The following MSRA variants were observed in gnomAD, a reference collection of about 807,000 sequenced individuals.
The protein encoded by MSRA is mitochondrial peptide methionine sulfoxide reductase.
Under a neutral mutation model 31.3 loss-of-function variants are expected in MSRA, and 54 were observed. The observed-to-expected ratio is 1.73, with a 90% CI of 1.39 to 2.17. MSRA has a LOEUF of 2.17. Ranked by LOEUF, MSRA falls within the 30% of genes most tolerant of loss-of-function variation. The pLI is 0.00. For missense variants in MSRA, 507 were observed against 300.9 expected (o/e 1.69, Z -5.07); for synonymous variants, 169 against 116.5 (o/e 1.45, Z -2.90).
intron 1 of MSRA, among the ~76,000 whole-genome samples, chr8:10,138,119 G>A (rs1802426763): frequency 6.6e-6 from 1 of 152,164 alleles, no homozygotes; most frequent in South Asian, 2.1e-4. Flanking sequence ...ACTCTTTCTG[G>A]ATTGTTTTGT....
chr8:10,383,662 A>G (rs1585640240), intron 5 of MSRA, among the ~76,000 whole-genome samples: 2 of 152,178 alleles, frequency 1.3e-5, no homozygotes, highest in East Asian at 1.9e-4. Context: ...TATTCCAGGA[A>G]GCGGGATTGG....
intron 1 of MSRA, among the ~76,000 whole-genome samples, chr8:10,154,669 G>C (rs1008640560): frequency 1.4e-4 from 21 of 152,010 alleles, no homozygotes; most frequent in African/African-American, 5.1e-4. Context: ...GAGCCACCGC[G>C]TCCAGCCAGG....
chr8:10,423,581 C>T (rs1035584718), intron 5 of MSRA, among the ~76,000 whole-genome samples: 1 of 152,168 alleles, frequency 6.6e-6, no homozygotes, highest in Non-Finnish European at 1.5e-5. Context: ...CCTATCTCCC[C>T]CTGCTCCTGC....
intron 5 of MSRA, among the ~76,000 whole-genome samples, chr8:10,354,446 C>G (rs1804384464): frequency 6.6e-6 from 1 of 152,056 alleles, no homozygotes; most frequent in Non-Finnish European, 1.5e-5. Context: ...CTTTGTTTTA[C>G]TTTTTGATTA....
At chr8:10,424,706 G>A (rs1435133190) in intron 5 of MSRA, among the ~76,000 whole-genome samples, 3 of 152,206 alleles carry the variant, frequency 2.0e-5, no homozygotes, top group Non-Finnish European at 2.9e-5. Flanking sequence ...AAAGGCCTGG[G>A]GTGTTCTGAT....
intron 4 of MSRA, among the ~76,000 whole-genome samples, chr8:10,308,392 C>T (rs1401469170): frequency 6.6e-6 from 1 of 152,222 alleles, no homozygotes; most frequent in East Asian, 1.9e-4. Context: ...CGGCCCGGCA[C>T]TCGCTGTGCG....
intron 5 of MSRA, among the ~76,000 whole-genome samples, chr8:10,367,342 G>T (rs529122294): frequency 6.6e-6 from 1 of 152,086 alleles, no homozygotes; most frequent in African/African-American, 2.4e-5. Context: ...TTAGTGTTGC[G>T]ATAATCTCTT....
chr8:10,331,591 C>T (rs1802704159), intron 5 of MSRA, among the ~76,000 whole-genome samples: 1 of 152,260 alleles, frequency 6.6e-6, no homozygotes, highest in East Asian at 1.9e-4. Context: ...CACTGAATTC[C>T]ATAAGCTTTT....
intron 1 of MSRA, among the ~76,000 whole-genome samples, chr8:10,120,383 T>C (rs921713719): frequency 6.6e-6 from 1 of 152,116 alleles, no homozygotes; most frequent in Admixed American, 6.5e-5. Context: ...CTAAGACCTG[T>C]AATTTGCCCA....
intron 3 of MSRA, among the ~76,000 whole-genome samples, chr8:10,295,717 CT>C (rs1380701196): frequency 6.6e-6 from 1 of 152,180 alleles, no homozygotes; most frequent in African/African-American, 2.4e-5. Flanking sequence ...TTGGCACCCC[CT>C]GGAGAGGTGG....
chr8:10,386,301 A>G (rs556983061), intron 5 of MSRA, among the ~76,000 whole-genome samples: 2 of 152,278 alleles, frequency 1.3e-5, no homozygotes, highest in African/African-American at 2.4e-5. Flanking sequence ...CCGCTGTCCC[A>G]TATTAGTTTC....
At chr8:10,056,813 C>T (rs1380221480) in intron 1 of MSRA, among the ~76,000 whole-genome samples, 2 of 152,118 alleles carry the variant, frequency 1.3e-5, no homozygotes, top group Non-Finnish European at 2.9e-5. Flanking sequence ...AACAACTCCT[C>T]CCTTCTCTAT....
intron 3 of MSRA, among the ~76,000 whole-genome samples, chr8:10,256,205 A>G (rs1347187041): frequency 6.6e-6 from 1 of 152,064 alleles, no homozygotes; most frequent in African/African-American, 2.4e-5. Flanking sequence ...TCAGAATGTC[A>G]TTGAGTTGAA....
At chr8:10,075,737 C>T (rs1230154683) in intron 1 of MSRA, among the ~76,000 whole-genome samples, 55 of 152,192 alleles carry the variant, frequency 3.6e-4, no homozygotes, top group Non-Finnish European at 8.8e-5. Flanking sequence ...GGTTCTCAGT[C>T]CCGGCATAAC....
chr8:10,414,156 G>A (rs1045502818), intron 5 of MSRA, among the ~76,000 whole-genome samples: 12 of 151,946 alleles, frequency 7.9e-5, no homozygotes, highest in Admixed American at 6.6e-5. Flanking sequence ...GGCAGAATGA[G>A]ACTCTGTCTA....
chr8:10,193,159 A>G (rs952707281), intron 1 of MSRA, among the ~76,000 whole-genome samples: 1 of 152,216 alleles, frequency 6.6e-6, no homozygotes, highest in African/African-American at 2.4e-5. Flanking sequence ...TAGCTGAGGT[A>G]TGCCAAGTCA....
intron 5 of MSRA, among the ~76,000 whole-genome samples, chr8:10,357,706 G>C (rs1019789577): frequency 6.6e-6 from 1 of 152,188 alleles, no homozygotes; most frequent in Admixed American, 6.5e-5. Flanking sequence ...AAGACCAGCT[G>C]GGGCAGCATG....
At chr8:10,125,694 A>T (rs1475698951) in intron 1 of MSRA, among the ~76,000 whole-genome samples, 1 of 152,182 alleles carries the variant, frequency 6.6e-6, no homozygotes, top group African/African-American at 2.4e-5. Context: ...CTCTCGTGAA[A>T]GTTTTCCCTC....
chr8:10,248,264 A>G (rs187784871), intron 3 of MSRA, among the ~76,000 whole-genome samples: 2 of 152,336 alleles, frequency 1.3e-5, no homozygotes, highest in Admixed American at 1.3e-4. Context: ...TGTCAAGAAA[A>G]GAAGCATAGA....
Sources: allele counts gnomAD v4.1 joint callset (sites outside exome capture counted in the v4.1 genomes callset), GRCh38; gene constraint gnomAD v4.1.1; transcripts MANE v1.5; gene names NCBI Gene and HGNC (gene_info 2026-07-23, HGNC 2026-07-21).